Variants in CADM2 observed in about 807,000 individuals in gnomAD.
The protein encoded by CADM2 is immunoglobulin superfamily member 4D.
A neutral mutation model predicts 49.8 loss-of-function variants in CADM2; 12 were observed. The ratio of observed to expected loss-of-function variants is 0.24; its 90% CI spans 0.15 to 0.39. The LOEUF (loss-of-function observed/expected upper bound fraction) is 0.39, where lower values mean the gene tolerates loss of function less well. CADM2 is among the 10% of genes least tolerant of loss of function. The pLI is 1.00. For missense variants in CADM2, 378 were observed against 492.3 expected, an observed-to-expected ratio of 0.77 and a Z score of 2.20; for synonymous variants, 214 against 175.4, an observed-to-expected ratio of 1.22 and a Z score of -1.74.
At chr3:85,137,397 T>G (rs1165858208) in intron 1 of CADM2, among the ~76,000 whole-genome samples, 1 of 152,004 alleles carries the variant, frequency 6.6e-6, no homozygotes. Flanking sequence ...AAAAAAAGCA[T>G]AAATACTTAT....
rs111368005 is a variant in CADM2 at position 85,094,259 on chromosome 3, C to T, written c.61+134591C>T. Reference sequence around the variant, plus strand: ...CCTAGGAATTTATGCTATCATCATACCTTTATAATAATAATTACCTAATAA... The same window carrying T: ...CCTAGGAATTTATGCTATCATCATATCTTTATAATAATAATTACCTAATAA... On this transcript the variant is annotated intron_variant, in intron 1 of 9. Coordinates refer to ENST00000383699, the MANE Select transcript of CADM2 (RefSeq NM_001167675.2). Among the ~76,000 whole-genome samples the T allele has an allele frequency of 4.3e-3, 656 of 152,122 alleles. 3 individuals carry two copies. Among genetic ancestry groups the T allele is most frequent in the African/African-American group, 0.014 (582 of 41,500 alleles).
intron 1 of CADM2, among the ~76,000 whole-genome samples, chr3:85,630,887 T>A (rs1054756002): frequency 1.4e-4 from 21 of 151,806 alleles, no homozygotes; most frequent in Admixed American, 4.6e-4. Context: ...ATCTCCTGCC[T>A]AAAACCCTCT....
At chr3:85,155,235 A>G (rs1470478919) in intron 1 of CADM2, among the ~76,000 whole-genome samples, 7 of 149,268 alleles carry the variant, frequency 4.7e-5, no homozygotes. Context: ...AAATAAAAGG[A>G]TGGAGGAAGA....
At chr3:85,077,776 C>T (rs1442247749) in intron 1 of CADM2, among the ~76,000 whole-genome samples, 2 of 151,880 alleles carry the variant, frequency 1.3e-5, no homozygotes, top group South Asian at 2.1e-4. Context: ...TTTGTCAATG[C>T]TCTGCTGTGG....
intron 1 of CADM2, among the ~76,000 whole-genome samples, chr3:85,082,910 T>C (rs572221147): frequency 1.1e-3 from 160 of 152,228 alleles, no homozygotes; most frequent in African/African-American, 3.8e-3. Flanking sequence ...ACTGAGTGCA[T>C]ATGTCCTGAA....
At chr3:85,811,662 G>GTCAACAAT (rs1371600559) in intron 3 of CADM2, among the ~76,000 whole-genome samples, 1 of 152,116 alleles carries the variant, frequency 6.6e-6, no homozygotes, top group Admixed American at 6.6e-5. Context: ...TTAGCACATG[G>GTCAACAAT]TCAACAATGA....
At chr3:85,292,967 C>G (rs1302077375) in intron 1 of CADM2, among the ~76,000 whole-genome samples, 2 of 151,876 alleles carry the variant, frequency 1.3e-5, no homozygotes, top group Non-Finnish European at 2.9e-5. Flanking sequence ...AATAGAGACA[C>G]AAAAAGCCCT....
intron 2 of CADM2, among the ~76,000 whole-genome samples, chr3:85,767,792 C>T (rs945106197): frequency 6.6e-6 from 1 of 152,080 alleles, no homozygotes; most frequent in Non-Finnish European, 1.5e-5. Context: ...ATGCACATAC[C>T]TCCATCTCTA....
chr3:86,044,576 G>T (rs1227556061), intron 8 of CADM2, among the ~76,000 whole-genome samples: 1 of 152,198 alleles, frequency 6.6e-6, no homozygotes, highest in African/African-American at 2.4e-5. Flanking sequence ...TGCTAGAGAG[G>T]ATGTGGAGAA....
chr3:85,046,023 TA>T (rs2035640273), intron 1 of CADM2, among the ~76,000 whole-genome samples: 1 of 152,126 alleles, frequency 6.6e-6, no homozygotes, highest in Non-Finnish European at 1.5e-5. Context: ...TTATGTTAAT[TA>T]AAACTGTATT....
chr3:85,877,398 T>TA (rs1712037032), intron 3 of CADM2, among the ~76,000 whole-genome samples: 1 of 152,142 alleles, frequency 6.6e-6, no homozygotes, highest in South Asian at 2.1e-4. Flanking sequence ...TTTTAAAAGA[T>TA]TGAATTCATT....
At chr3:85,663,196 A>G (rs1208844232) in intron 1 of CADM2, among the ~76,000 whole-genome samples, 1 of 152,006 alleles carries the variant, frequency 6.6e-6, no homozygotes, top group Non-Finnish European at 1.5e-5. Context: ...GAGGATGACA[A>G]TAGTACCTTC....
intron 1 of CADM2, among the ~76,000 whole-genome samples, chr3:85,172,504 A>T (rs1026862005): frequency 6.6e-6 from 1 of 152,148 alleles, no homozygotes; most frequent in Non-Finnish European, 1.5e-5. Context: ...TCAGGTGGTG[A>T]GGTCACTACA....
intron 8 of CADM2, among the ~76,000 whole-genome samples, chr3:86,055,870 T>A (rs1737926498): frequency 6.6e-6 from 1 of 152,108 alleles, no homozygotes; most frequent in Non-Finnish European, 1.5e-5. Context: ...ACAGAGAAAC[T>A]GAAACTCTAC....
chr3:85,677,720 A>G (rs2065925207), intron 1 of CADM2, among the ~76,000 whole-genome samples: 2 of 152,220 alleles, frequency 1.3e-5, no homozygotes, highest in Admixed American at 6.5e-5. Context: ...CTCACAAAGT[A>G]TCTTTAAAGA....
intron 1 of CADM2, among the ~76,000 whole-genome samples, chr3:85,430,476 C>A (rs1307087777): frequency 6.6e-6 from 1 of 151,874 alleles, no homozygotes; most frequent in Non-Finnish European, 1.5e-5. Context: ...CATGATTGCA[C>A]CACTGCACTC....
intron 2 of CADM2, among the ~76,000 whole-genome samples, chr3:85,754,836 A>G (rs2069033830): frequency 6.6e-6 from 1 of 152,216 alleles, no homozygotes; most frequent in South Asian, 2.1e-4. Context: ...CAAACAAAAA[A>G]ATACCACCAT....
intron 1 of CADM2, among the ~76,000 whole-genome samples, chr3:85,388,555 A>T (rs1338105452): frequency 2.6e-5 from 4 of 152,168 alleles, no homozygotes; most frequent in Non-Finnish European, 5.9e-5. Flanking sequence ...TATATATGTC[A>T]TCTTCTTGAT....
intron 1 of CADM2, among the ~76,000 whole-genome samples, chr3:85,581,972 G>A (rs1203010445): frequency 6.6e-6 from 1 of 151,680 alleles, no homozygotes; most frequent in East Asian, 1.9e-4. Flanking sequence ...CTATCACCAG[G>A]GTGGAGTGCA....
Sources: allele counts gnomAD v4.1 joint callset (sites outside exome capture counted in the v4.1 genomes callset), GRCh38; gene constraint gnomAD v4.1.1; transcripts MANE v1.5; gene names NCBI Gene and HGNC (gene_info 2026-07-23, HGNC 2026-07-21).